The following SEZ6L variants were observed in gnomAD, a reference collection of about 807,000 sequenced individuals.
The protein encoded by SEZ6L is seizure related 6 homolog like.
In SEZ6L, 37 loss-of-function variants were observed where a neutral mutation model predicts 106.2. The observed-to-expected ratio is 0.35, with a 90% CI of 0.27 to 0.46. The LOEUF (loss-of-function observed/expected upper bound fraction) is 0.46. Ranked by LOEUF, SEZ6L falls within the 20% of genes least tolerant of loss-of-function variation. SEZ6L has a pLI of 1.00. For missense variants in SEZ6L, 1,172 were observed against 1,332.8 expected, an observed-to-expected ratio of 0.88 and a Z score of 1.88; for synonymous variants, 541 against 570.4, an observed-to-expected ratio of 0.95 and a Z score of 0.73.
intron 1 of SEZ6L, among the ~76,000 whole-genome samples, chr22:26,221,169 C>T (rs182513917): frequency 1.5e-3 from 232 of 152,242 alleles, no homozygotes; most frequent in Admixed American, 3.0e-3. Flanking sequence ...GCCTGCTTAG[C>T]TTACCCCCTG....
chr22:26,200,764 T>G (rs933657330), intron 1 of SEZ6L, among the ~76,000 whole-genome samples: 2 of 152,224 alleles, frequency 1.3e-5, no homozygotes, highest in Non-Finnish European at 2.9e-5. Context: ...AAACATACTC[T>G]GTGCCTCTGT....
At chr22:26,325,202 A>G (rs1358470887) in intron 9 of SEZ6L, among the ~76,000 whole-genome samples, 1 of 152,204 alleles carries the variant, frequency 6.6e-6, no homozygotes, top group Non-Finnish European at 1.5e-5. Flanking sequence ...CGTCTGCCAT[A>G]TCCTATGGCA....
At chr22:26,310,602 C>T in intron 6 of SEZ6L, 68 bp from the exon 7 acceptor site, 1 of 1,543,268 alleles carries the variant, frequency 6.5e-7, no homozygotes, top group Middle Eastern at 1.7e-4. Context: ...GTAGCACATC[C>T]CTTCCTCTGC....
chr22:26,375,500 G>A, intron 14 of SEZ6L, 75 bp from the exon 15 acceptor site: 1 of 1,208,038 alleles, frequency 8.3e-7, no homozygotes, highest in Non-Finnish European at 1.2e-6. Flanking sequence ...CAAAGGGGTG[G>A]AGAACTGGGC....
chr22:26,351,513 TTTTGTTTGTTTG>T (rs1184191772), intron 12 of SEZ6L: 19 of 321,540 alleles, frequency 5.9e-5, no homozygotes, highest in Non-Finnish European at 9.0e-5. Flanking sequence ...TACTTTGTTT[TTTTGTTTGTTTG>T]TTTGTTTGTT....
intron 1 of SEZ6L, among the ~76,000 whole-genome samples, chr22:26,223,888 C>G (rs2078559737): frequency 6.6e-6 from 1 of 152,116 alleles, no homozygotes; most frequent in African/African-American, 2.4e-5. Context: ...ATTTGTAAAA[C>G]AAAGCTGGTA....
At chr22:26,303,234 A>G (rs1209400209) in intron 5 of SEZ6L, among the ~76,000 whole-genome samples, 3 of 152,158 alleles carry the variant, frequency 2.0e-5, no homozygotes, top group East Asian at 1.9e-4. Context: ...AGAAGTATGG[A>G]GCTTCTTGGC....
chr22:26,317,961 C>T (rs572417444), intron 9 of SEZ6L, among the ~76,000 whole-genome samples: 1 of 152,172 alleles, frequency 6.6e-6, no homozygotes, highest in East Asian at 1.9e-4. Context: ...ACACAAATAC[C>T]GGAATTAGAG....
intron 1 of SEZ6L, among the ~76,000 whole-genome samples, chr22:26,283,157 T>TG (rs2145863319): frequency 1.3e-5 from 2 of 152,178 alleles, no homozygotes; most frequent in Admixed American, 1.3e-4. Context: ...CCTGACCTCA[T>TG]GATCTACCCA....
Position 26,310,697 on chromosome 22 carries a change from C to G in SEZ6L, c.1542C>G (p.Asn514Lys). 6.2e-7 allele frequency: 1 copy of G among 1,614,178 alleles called. No homozygotes were observed. Among genetic ancestry groups the G allele is most frequent in the Non-Finnish European group, 8.5e-7 (1 of 1,180,018 alleles). The change falls in exon 7 of 17, where the codon AAC (asparagine) becomes AAG (lysine). Residue 514 changes from asparagine to lysine, a missense_variant. Asn to Lys is a moderately conservative substitution (Grantham distance 94). Transcript: ENST00000248933. ...TGACGGTTCACAGCGGGCAGACCAA[C>G]AAGTCAGCTCTTCTCTACGACTCCC... ...DRMTVHSGQT[N>K]KSALLYDSLQ...
chr22:26,320,741 G>C (rs552775235), intron 9 of SEZ6L, among the ~76,000 whole-genome samples: 1 of 152,278 alleles, frequency 6.6e-6, no homozygotes, highest in Admixed American at 6.5e-5. Flanking sequence ...GCTTTCCTGA[G>C]AACAGTAAAG....
intron 10 of SEZ6L, among the ~76,000 whole-genome samples, chr22:26,345,402 C>T (rs1601562440): frequency 6.6e-6 from 1 of 152,038 alleles, no homozygotes; most frequent in Non-Finnish European, 1.5e-5. Context: ...CCATGGTGGC[C>T]CATATTGAAG....
chr22:26,205,425 CCTT>C (rs1170296599), intron 1 of SEZ6L, among the ~76,000 whole-genome samples: 6 of 152,210 alleles, frequency 3.9e-5, no homozygotes, highest in Non-Finnish European at 8.8e-5. Flanking sequence ...TCACAACTGA[CCTT>C]CTTCCTCAGG....
intron 16 of SEZ6L, 28 bp from the exon 17 acceptor site, chr22:26,380,238 G>C (rs745925449): frequency 1.2e-6 from 2 of 1,612,596 alleles, no homozygotes; most frequent in Non-Finnish European, 1.7e-6. Flanking sequence ...ACAAGCGTTT[G>C]ACAAATCCGT....
At chr22:26,266,528 G>C (rs942930012) in intron 1 of SEZ6L, among the ~76,000 whole-genome samples, 1 of 151,692 alleles carries the variant, frequency 6.6e-6, no homozygotes, top group South Asian at 2.1e-4. Flanking sequence ...AGCCGAGATC[G>C]CACCACTGCA....
intron 9 of SEZ6L, among the ~76,000 whole-genome samples, chr22:26,327,794 G>A (rs116663062): frequency 8.5e-5 from 13 of 152,296 alleles, no homozygotes; most frequent in African/African-American, 2.9e-4. Context: ...CTCAAGGTGA[G>A]CTCTCGCACC....
At chr22:26,209,719 GGGGA>G (rs2078092965) in intron 1 of SEZ6L, among the ~76,000 whole-genome samples, 1 of 148,544 alleles carries the variant, frequency 6.7e-6, no homozygotes, top group Non-Finnish European at 1.5e-5. Flanking sequence ...GAAGGAGGAA[GGGGA>G]GGAAGGAAGG....
chr22:26,174,990 G>A (rs1569353820), intron 1 of SEZ6L, among the ~76,000 whole-genome samples: 1 of 152,206 alleles, frequency 6.6e-6, no homozygotes, highest in Non-Finnish European at 1.5e-5. Flanking sequence ...GAGAGGTTAA[G>A]CAATGCCTAA....
intron 1 of SEZ6L, among the ~76,000 whole-genome samples, chr22:26,205,198 G>A (rs1167820689): frequency 6.6e-6 from 1 of 152,212 alleles, no homozygotes; most frequent in Non-Finnish European, 1.5e-5. Context: ...CTTTGGTACA[G>A]TCCATCAACT....
Sources: gnomAD v4.1 joint callset for allele counts (sites outside exome capture counted in the v4.1 genomes callset) on GRCh38, gnomAD v4.1.1 for gene constraint, MANE v1.5 for transcripts, NCBI Gene and HGNC (gene_info 2026-07-23, HGNC 2026-07-21) for gene names.